METTL15: variants seen among roughly 807,000 people sequenced by gnomAD.
The protein encoded by METTL15 is methyltransferase 15, mitochondrial 12S rRNA N4-cytidine, also known as 12S rRNA N(4)-cytidine methyltransferase METTL15.
METTL15 carries 34 observed loss-of-function variants against 38.3 expected under a neutral mutation model. The observed-to-expected ratio is 0.89, with a 90% CI of 0.68 to 1.18. The LOEUF (loss-of-function observed/expected upper bound fraction) is 1.18, where lower values mean the gene tolerates loss of function less well. Ranked by LOEUF, METTL15 falls within the 50% of genes most tolerant of loss-of-function variation. The pLI is 0.00. For missense variants in METTL15, 438 were observed against 498.4 expected, an observed-to-expected ratio of 0.88 and a Z score of 1.15; for synonymous variants, 162 against 170.9, an observed-to-expected ratio of 0.95 and a Z score of 0.41.
At chr11:28,217,941 A>G (rs922608505) in intron 4 of METTL15, among the ~76,000 whole-genome samples, 2 of 152,252 alleles carry the variant, frequency 1.3e-5, no homozygotes, top group Admixed American at 6.5e-5. Flanking sequence ...TACCAGTACC[A>G]TGCTGTTTTG....
At chr11:28,394,584 G>A (rs980669695) in intron 5 of METTL15, among the ~76,000 whole-genome samples, 1 of 152,052 alleles carries the variant, frequency 6.6e-6, no homozygotes, top group African/African-American at 2.4e-5. Flanking sequence ...GACATTTTCA[G>A]TTCAAATCTT....
intron 5 of METTL15, among the ~76,000 whole-genome samples, chr11:28,396,978 C>A (rs1590360532): frequency 6.5e-5 from 2 of 30,972 alleles, no homozygotes; most frequent in African/African-American, 6.7e-4. Flanking sequence ...CTGAGAAAAA[C>A]AAACAATGGG....
chr11:28,249,535 T>G (rs1157005187), intron 4 of METTL15, among the ~76,000 whole-genome samples: 5 of 151,964 alleles, frequency 3.3e-5, no homozygotes, highest in Admixed American at 1.3e-4. Context: ...AATATTGTAT[T>G]TTCTTGTTGC....
Position 28,330,788 on chromosome 11 carries a change from C to G in METTL15, c.1171C>G (p.Gln391Glu), listed in dbSNP as rs1849794299. The part of the protein sequence containing the change: ...KVLSPQDQDV[Q>E]DNPRGRSAKL... ...ACTTAGTCCACAAGATCAGGATGTA[C>G]AAGATAACCCCAGAGGGCGCTCAGC... Residue 391 changes from glutamine to glutamate, a missense_variant, in exon 7 of 7, where the codon CAA becomes GAA. Coordinates refer to ENST00000407364, the MANE Select transcript of METTL15 (RefSeq NM_001113528.2). 2 of 1,551,728 alleles carry G rather than the reference C, an allele frequency of 1.3e-6. No individual in the cohort carries two copies. Among genetic ancestry groups the G allele is most frequent in the East Asian group, 4.9e-5 (2 of 40,924 alleles).
chr11:28,382,275 T>G (rs1401250508), intron 5 of METTL15, among the ~76,000 whole-genome samples: 1 of 152,178 alleles, frequency 6.6e-6, no homozygotes, highest in East Asian at 1.9e-4. Context: ...TTTGGGCAAG[T>G]TACAGAGCAG....
chr11:28,509,097 A>G (rs1189557241), intron 6 of METTL15, among the ~76,000 whole-genome samples: 2 of 152,218 alleles, frequency 1.3e-5, no homozygotes, highest in Non-Finnish European at 2.9e-5. Context: ...TCTGTGGCAC[A>G]GGTTTGCAAT....
At chr11:28,296,195 T>C (rs983516991) in intron 5 of METTL15, among the ~76,000 whole-genome samples, 2 of 152,158 alleles carry the variant, frequency 1.3e-5, no homozygotes, top group African/African-American at 2.4e-5. Flanking sequence ...TTGAATAATA[T>C]GTATCATTGC....
intron 3 of METTL15, among the ~76,000 whole-genome samples, chr11:28,142,182 A>G (rs1455947333): frequency 2.6e-5 from 4 of 152,220 alleles, no homozygotes; most frequent in Non-Finnish European, 4.4e-5. Context: ...GAATTGTACA[A>G]CACTTCATTC....
At chr11:28,489,854 G>T (rs1851479235) in intron 6 of METTL15, among the ~76,000 whole-genome samples, 1 of 152,124 alleles carries the variant, frequency 6.6e-6, no homozygotes, top group Admixed American at 6.5e-5. Context: ...CACTGTAAGT[G>T]TTCAATAAAT....
At chr11:28,483,236 G>C (rs913305998) in intron 6 of METTL15, among the ~76,000 whole-genome samples, 1 of 152,110 alleles carries the variant, frequency 6.6e-6, no homozygotes, top group African/African-American at 2.4e-5. Context: ...TCGACAAGAC[G>C]ACAGAAGACA....
intron 3 of METTL15, among the ~76,000 whole-genome samples, chr11:28,339,473 C>T (rs1391006664): frequency 2.0e-5 from 3 of 148,920 alleles, no homozygotes; most frequent in African/African-American, 7.4e-5. Flanking sequence ...AAATCATCAA[C>T]TAAAAGATAT....
chr11:28,235,835 C>A (rs961436801), intron 4 of METTL15, among the ~76,000 whole-genome samples: 24 of 152,114 alleles, frequency 1.6e-4, no homozygotes, highest in South Asian at 2.1e-4. Context: ...CAGAACTTCC[C>A]ACACTATGTT....
rs188554475 is a variant in METTL15 at position 28,509,462 on chromosome 11, G to A, written c.*425-17016G>A. On this transcript the variant is annotated intron_variant and NMD_transcript_variant, in intron 6 of 7. Transcript: ENST00000532947. ...TTTAAGATTAACCTGCTTTCCTCTC[G>A]TTGCACTAAGTCAATCCTTTATTTA... Among the ~76,000 whole-genome samples the A allele has an allele frequency of 8.1e-5, 12 of 148,904 alleles. 1 individual carries two copies. The highest frequency in any genetic ancestry group is 1.3e-4 in the Admixed American group (2 of 14,940).
At chr11:28,420,803 T>C (rs2133420934) in intron 5 of METTL15, among the ~76,000 whole-genome samples, 1 of 151,996 alleles carries the variant, frequency 6.6e-6, no homozygotes, top group African/African-American at 2.4e-5. Context: ...CAATGCATCC[T>C]AAAGAACTAG....
chr11:28,194,160 C>CTTTCTTTCTTTCTTTCTTTCTTTCT (rs1851812310), intron 3 of METTL15, among the ~76,000 whole-genome samples: 1 of 103,372 alleles, frequency 9.7e-6, no homozygotes, highest in African/African-American at 3.8e-5. Flanking sequence ...TTCTTTCTTT[C>CTTTCTTTCTTTCTTTCTTTCTTTCT]TTTCTTTCTT....
chr11:28,422,355 A>T lies in METTL15; in HGVS notation c.*359-1944A>T, dbSNP rs577653100. On this transcript the variant is annotated intron_variant and NMD_transcript_variant, in intron 5 of 7. Transcript: ENST00000532947. ...AAAAACAATCCTAAAATTTATGTGG[A>T]ACTACAAAAGACCCAGATATCCAAA... Among the ~76,000 whole-genome samples, 10 of 152,238 alleles carry T rather than the reference A, an allele frequency of 6.6e-5. No homozygotes were observed. The South Asian group carries it at 2.1e-3, about 32-fold the overall frequency.
rs76373751 is a variant in METTL15, at chr11:28,141,365, T to C, written c.270+27761T>C. Among the ~76,000 whole-genome samples, 3 of 152,136 alleles carry C rather than the reference T, an allele frequency of 2.0e-5. No homozygotes were observed. In the East Asian group the frequency reaches 5.8e-4, roughly 29 times the overall value. Reference sequence around the variant, plus strand: ...ACGAGTCTGAAAAATATCTGAAAGATCAATCTTAGTTTTTGATAATAGTGC... The same window carrying C: ...ACGAGTCTGAAAAATATCTGAAAGACCAATCTTAGTTTTTGATAATAGTGC... On this transcript the variant is annotated intron_variant, in intron 3 of 6. Coordinates refer to ENST00000407364, the MANE Select transcript of METTL15 (RefSeq NM_001113528.2).
intron 5 of METTL15, among the ~76,000 whole-genome samples, chr11:28,388,253 A>T (rs1201801743): frequency 1.3e-5 from 2 of 151,614 alleles, no homozygotes; most frequent in Non-Finnish European, 3.0e-5. Flanking sequence ...ATACAAGTAG[A>T]AAAAACAAGT....
intron 3 of METTL15, among the ~76,000 whole-genome samples, chr11:28,207,089 A>G (rs1201093150): frequency 6.8e-6 from 1 of 146,906 alleles, no homozygotes; most frequent in Non-Finnish European, 1.5e-5. Context: ...TCCTAATTGA[A>G]TACCTTTTAT....
Sources: gnomAD v4.1 joint callset for allele counts (sites outside exome capture counted in the v4.1 genomes callset) on GRCh38, gnomAD v4.1.1 for gene constraint, MANE v1.5 for transcripts, NCBI Gene and HGNC (gene_info 2026-07-23, HGNC 2026-07-21) for gene names.